Variants in PDE4D observed in about 807,000 individuals in gnomAD.
PDE4D encodes 3',5'-cyclic-AMP phosphodiesterase 4D.
PDE4D carries 24 observed loss-of-function variants against 87.4 expected under a neutral mutation model. That is an observed-to-expected ratio of 0.27 (90% CI 0.20 to 0.39). The LOEUF (loss-of-function observed/expected upper bound fraction) is 0.39, where lower values mean the gene tolerates loss of function less well. Among genes scored for constraint, PDE4D ranks in the 10% least tolerant of loss-of-function variants. The pLI is 1.00. For synonymous variants in PDE4D, 384 were observed against 383.2 expected (o/e 1.00, Z -0.02); for missense variants, 714 against 1,041.0 (o/e 0.69, Z 4.32).
chr5:59,859,657 C>T (rs562227472), intron 1 of PDE4D, among the ~76,000 whole-genome samples: 3 of 152,214 alleles, frequency 2.0e-5, no homozygotes, highest in African/African-American at 7.2e-5. Flanking sequence ...AAATTGACTC[C>T]TTTTGTGAGT....
chr5:60,407,969 G>A (rs1212299866), intron 1 of PDE4D, among the ~76,000 whole-genome samples: 2 of 152,216 alleles, frequency 1.3e-5, no homozygotes, highest in East Asian at 3.9e-4. Flanking sequence ...GAAAAGCAGT[G>A]TAGCTTCCGT....
At chr5:60,472,367 G>A (rs531146915) in intron 1 of PDE4D, among the ~76,000 whole-genome samples, 45 of 152,174 alleles carry the variant, frequency 3.0e-4, no homozygotes, top group South Asian at 2.3e-3. Flanking sequence ...GTCTAGCACC[G>A]GAGTTCCTAC....
chr5:60,268,823 A>C (rs1750512775), intron 1 of PDE4D, among the ~76,000 whole-genome samples: 1 of 152,350 alleles, frequency 6.6e-6, no homozygotes, highest in African/African-American at 2.4e-5. Flanking sequence ...TGATCCAAAA[A>C]TATATTAAGA....
chr5:59,432,273 T>C (rs1796215379), intron 1 of PDE4D, among the ~76,000 whole-genome samples: 1 of 151,972 alleles, frequency 6.6e-6, no homozygotes, highest in Non-Finnish European at 1.5e-5. Context: ...TTATTAATAT[T>C]AAGTCAATCA....
At chr5:59,020,730 C>T (rs2153375485) in intron 6 of PDE4D, among the ~76,000 whole-genome samples, 1 of 152,010 alleles carries the variant, frequency 6.6e-6, no homozygotes, top group East Asian at 1.9e-4. Flanking sequence ...AGTCCGACTC[C>T]TCTGTAAAGT....
At chr5:59,801,773 C>A (rs981856550) in intron 1 of PDE4D, among the ~76,000 whole-genome samples, 1 of 152,138 alleles carries the variant, frequency 6.6e-6, no homozygotes, top group African/African-American at 2.4e-5. Context: ...CAACTCTGTT[C>A]CAATAATTAA....
At chr5:60,501,094 C>T (rs1175452666) in intron 1 of PDE4D, among the ~76,000 whole-genome samples, 2 of 151,904 alleles carry the variant, frequency 1.3e-5, no homozygotes, top group African/African-American at 4.8e-5. Flanking sequence ...TGGTGTGCTG[C>T]ACCCATTAAC....
chr5:59,811,026 A>T (rs1291178981), intron 1 of PDE4D, among the ~76,000 whole-genome samples: 6 of 152,146 alleles, frequency 3.9e-5, no homozygotes, highest in Non-Finnish European at 1.5e-5. Flanking sequence ...CAAAGGTATA[A>T]AGGAGCTAAA....
intron 1 of PDE4D, among the ~76,000 whole-genome samples, chr5:60,268,023 G>T (rs1750400107): frequency 6.6e-6 from 1 of 152,238 alleles, no homozygotes; most frequent in South Asian, 2.1e-4. Context: ...TAAAACCAGA[G>T]GAAATGAGAC....
chr5:60,423,442 C>G (rs1743325565), intron 1 of PDE4D, among the ~76,000 whole-genome samples: 1 of 152,180 alleles, frequency 6.6e-6, no homozygotes. Context: ...TCCTGAATGA[C>G]TACTGGGTAC....
chr5:60,120,137 G>T (rs907406296), intron 2 of PDE4D, among the ~76,000 whole-genome samples: 1 of 152,204 alleles, frequency 6.6e-6, no homozygotes, highest in African/African-American at 2.4e-5. Context: ...GTAGAGCCAT[G>T]AAAATTATTT....
At chr5:59,030,200 T>G (rs543420071) in intron 6 of PDE4D, among the ~76,000 whole-genome samples, 1 of 151,840 alleles carries the variant, frequency 6.6e-6, no homozygotes, top group African/African-American at 2.4e-5. Flanking sequence ...TACATTAAAC[T>G]AAAAAGTACC....
chr5:60,230,935 G>A (rs917679827), intron 1 of PDE4D, among the ~76,000 whole-genome samples: 1 of 152,026 alleles, frequency 6.6e-6, no homozygotes, highest in Non-Finnish European at 1.5e-5. Context: ...AGGGGTTAAG[G>A]TTTGCTTTCT....
chr5:59,616,918 C>CAT (rs55821264), intron 1 of PDE4D, among the ~76,000 whole-genome samples: 3,292 of 62,864 alleles, frequency 0.052, 360 homozygotes, highest in East Asian at 0.07. Flanking sequence ...CTAATAATTA[C>CAT]ATATATATAT....
chr5:60,098,984 G>T (rs931922406), intron 2 of PDE4D, among the ~76,000 whole-genome samples: 2 of 151,984 alleles, frequency 1.3e-5, no homozygotes, highest in African/African-American at 4.8e-5. Flanking sequence ...CTTAAGGCAG[G>T]TCTAGTGGAA....
intron 5 of PDE4D, among the ~76,000 whole-genome samples, chr5:59,174,750 T>A (rs922435): frequency 1.3e-5 from 2 of 152,004 alleles, no homozygotes; most frequent in South Asian, 2.1e-4. Flanking sequence ...AATCTAATGG[T>A]TTATTTTACT....
intron 2 of PDE4D, among the ~76,000 whole-genome samples, chr5:60,045,436 C>T (rs1163545719): frequency 1.2e-4 from 18 of 152,210 alleles, no homozygotes; most frequent in Admixed American, 3.9e-4. Flanking sequence ...AAGTCCTTGC[C>T]CATGCCTATG....
chr5:59,216,535 T>C (rs565073317), intron 1 of PDE4D, among the ~76,000 whole-genome samples: 9 of 152,298 alleles, frequency 5.9e-5, no homozygotes, highest in African/African-American at 2.2e-4. Flanking sequence ...CATTTTCCAG[T>C]GTCATTCTTC....
At chr5:59,472,028 C>G (rs1376486835) in intron 1 of PDE4D, among the ~76,000 whole-genome samples, 1 of 151,852 alleles carries the variant, frequency 6.6e-6, no homozygotes, top group Non-Finnish European at 1.5e-5. Flanking sequence ...ATATATATGA[C>G]AGTAGGGAGA....
Sources: gnomAD v4.1 joint callset for allele counts (sites outside exome capture counted in the v4.1 genomes callset) on GRCh38, gnomAD v4.1.1 for gene constraint, MANE v1.5 for transcripts, NCBI Gene and HGNC (gene_info 2026-07-23, HGNC 2026-07-21) for gene names.